Variants in PDGFRA observed in about 807,000 individuals in gnomAD.
PDGFRA encodes the protein platelet derived growth factor receptor alpha.
A neutral mutation model predicts 121.5 loss-of-function variants in PDGFRA; 25 were observed. The observed-to-expected ratio is 0.21, with a 90% CI of 0.15 to 0.29. The LOEUF is 0.29. Among genes scored for constraint, PDGFRA ranks in the 10% least tolerant of loss-of-function variants. The pLI is 1.00. For missense variants in PDGFRA, 1,008 were observed against 1,345.1 expected (o/e 0.75, Z 3.92); for synonymous variants, 463 against 494.8 (o/e 0.94, Z 0.85).
At chr4:54,256,328 G>T (rs112557583) in intron 1 of PDGFRA, among the ~76,000 whole-genome samples, 6,873 of 151,966 alleles carry the variant, frequency 0.045, 516 homozygotes, top group African/African-American at 0.16. Context: ...TTCTACCTCA[G>T]GGGTTCAAGC....
chr4:54,278,717 A>G (rs747963112), intron 15 of PDGFRA: 2 of 664,620 alleles, frequency 3.0e-6, no homozygotes, highest in Non-Finnish European at 5.5e-6. Context: ...GGGGTGTCAC[A>G]TGGGAAGGCC....
chr4:54,247,140 A>G (rs1254683979), intron 1 of PDGFRA, among the ~76,000 whole-genome samples: 2 of 152,228 alleles, frequency 1.3e-5, no homozygotes, highest in Non-Finnish European at 2.9e-5. Context: ...TACCAGAGGT[A>G]CAAGGAGGAA....
intron 14 of PDGFRA, 99 bp from the exon 15 acceptor site, chr4:54,278,263 T>A: frequency 1.2e-6 from 1 of 845,364 alleles, no homozygotes; most frequent in Non-Finnish European, 1.9e-6. Context: ...ACTTTTTTGG[T>A]ATCTTATTTT....
intron 1 of PDGFRA, among the ~76,000 whole-genome samples, chr4:54,237,154 G>C (rs1721063334): frequency 1.3e-5 from 2 of 152,144 alleles, no homozygotes; most frequent in African/African-American, 2.4e-5. Flanking sequence ...ATTTTTAGTA[G>C]AGATGGGGTT....
intron 1 of PDGFRA, among the ~76,000 whole-genome samples, chr4:54,233,560 G>A (rs1039051961): frequency 2.0e-5 from 3 of 152,228 alleles, no homozygotes; most frequent in Non-Finnish European, 2.9e-5. Context: ...GAACCCCGGG[G>A]GCCCGGAGCG....
intron 3 of PDGFRA, among the ~76,000 whole-genome samples, chr4:54,261,929 ATATT>A (rs869266991): frequency 0.18 from 10,362 of 57,736 alleles, 157 homozygotes; most frequent in Non-Finnish European, 0.22. Flanking sequence ...ATATATATAT[ATATT>A]TTTTTTTTTT....
chr4:54,265,938 C>CT (rs1030479110), intron 5 of PDGFRA, among the ~76,000 whole-genome samples: 1 of 152,198 alleles, frequency 6.6e-6, no homozygotes, highest in Non-Finnish European at 1.5e-5. Context: ...GATCTCCCTC[C>CT]TTTTATCCGT....
At chr4:54,280,647 T>C in intron 16 of PDGFRA, 165 bp downstream of exon 16, 1 of 582,078 alleles carries the variant, frequency 1.7e-6, no homozygotes. Context: ...GTTTCCAGGT[T>C]TGTGGCCTGT....
rs1416375704 is a variant in PDGFRA, at chr4:54,267,637, G to A, written c.1017G>A (p.Val339=). 5.6e-6 allele frequency: 9 copies of A among 1,614,012 alleles called. No homozygotes were observed. Among genetic ancestry groups the A allele is most frequent in the Non-Finnish European group, 7.6e-6 (9 of 1,180,004 alleles). Residue 339 remains valine (V), a synonymous_variant, in exon 7 of 23, where the codon GTG becomes GTA. Transcript: ENST00000257290. ...AAGTCAAACATTTTGTTGTAGAGGT[G>A]CGGGCCTACCCACCTCCCAGGATAT... is the stretch of plus-strand genomic sequence containing the variant. ...LHEVKHFVVE[V]RAYPPPRISW...
At chr4:54,248,128 T>A (rs1175976051) in intron 1 of PDGFRA, among the ~76,000 whole-genome samples, 11 of 152,154 alleles carry the variant, frequency 7.2e-5, no homozygotes, top group African/African-American at 2.7e-4. Flanking sequence ...ATCATGAAAA[T>A]GGCCATACTG....
Position 54,267,724 on chromosome 4 carries a change from A to G in PDGFRA, c.1104A>G (p.Glu368=), listed in dbSNP as rs753448574. 3 of 1,613,972 alleles carry G rather than the reference A, an allele frequency of 1.9e-6. No homozygotes were observed. In the Admixed American group the frequency reaches 5.0e-5, roughly 27 times the overall value. ...ENLTEITTDV[E]KIQEIRYRSK... ...TCACTGAGATCACCACTGATGTGGA[A>G]AAGATTCAGGAAATAAGGTAAAGAA... The change falls in exon 7 of 23, where the codon GAA becomes GAG. Residue 368 remains glutamate (E), a synonymous_variant. Transcript: ENST00000257290.
Position 54,280,424 on chromosome 4 carries a change from C to A in PDGFRA, c.2265C>A (p.Ser755=), listed in dbSNP as rs149659832. The change falls in exon 16 of 23, where the codon TCC becomes TCA. Residue 755 remains serine (S), a synonymous_variant. Transcript: ENST00000257290. ...AAAGGAAAGAGGTTTCTAAATATTC[C>A]GACATCCAGAGATCACTCTATGATC... ...MLERKEVSKY[S]DIQRSLYDRP... is the part of the protein sequence containing the mutation. 6.2e-7 allele frequency: 1 copy of A among 1,613,598 alleles called. No individual in the cohort carries two copies. Among genetic ancestry groups the A allele is most frequent in the Non-Finnish European group, 8.5e-7 (1 of 1,179,548 alleles).
intron 7 of PDGFRA, among the ~76,000 whole-genome samples, chr4:54,268,811 G>A (rs1723177157): frequency 6.6e-6 from 1 of 152,180 alleles, no homozygotes; most frequent in Admixed American, 6.5e-5. Flanking sequence ...AGAGGAATAG[G>A]GTAACAACCC....
At chr4:54,269,416 C>T (rs1723204582) in intron 7 of PDGFRA, among the ~76,000 whole-genome samples, 1 of 151,964 alleles carries the variant, frequency 6.6e-6, no homozygotes, top group Admixed American at 6.6e-5. Flanking sequence ...ATGACCAATG[C>T]TTTTCTTCTC....
chr4:54,274,746 G>C (rs2110298255), intron 11 of PDGFRA, 95 bp from the exon 12 acceptor site: 1 of 1,495,930 alleles, frequency 6.7e-7, no homozygotes, highest in Non-Finnish European at 9.3e-7. Context: ...AACGTTGTTG[G>C]ACTCTACTGT....
chr4:54,229,555 GAGTAATTTTT>G, intron 1 of PDGFRA, 140 bp downstream of exon 1: 1 of 387,754 alleles, frequency 2.6e-6, no homozygotes, highest in Non-Finnish European at 4.5e-6. Context: ...TGTGTCCAGA[GAGTAATTTTT>G]TTTTTTCGGA....
At chr4:54,263,978 A>G (rs1722900335) in intron 4 of PDGFRA, 51 bp downstream of exon 4, 4 of 1,558,232 alleles carry the variant, frequency 2.6e-6, no homozygotes, top group African/African-American at 2.7e-5. Flanking sequence ...AGGCAAAATC[A>G]TAAGGTGCGT....
chr4:54,272,356 C>T (rs891435605), intron 8 of PDGFRA, 38 bp from the exon 9 acceptor site: 15 of 1,611,724 alleles, frequency 9.3e-6, no homozygotes, highest in South Asian at 4.4e-5. Context: ...TTCTGGGACA[C>T]GAGCTATTCC....
rs2110335311 is a variant in PDGFRA at position 54,285,363 on chromosome 4, T to C, written c.2324-8T>C. ...CCAGCACCAATACATTTAATTTCTT[T>C]TCTGCAGACTCAGAAGTCAAAAACC... On this transcript the variant is annotated splice_region_variant and splice_polypyrimidine_tract_variant and intron_variant, in intron 16 of 22. Coordinates refer to ENST00000257290, the MANE Select transcript of PDGFRA (RefSeq NM_006206.6). The C allele has an allele frequency of 8.9e-7, 1 of 1,119,126 alleles. No individual in the cohort carries two copies. Among genetic ancestry groups the C allele is most frequent in the South Asian group, 1.2e-5 (1 of 81,342 alleles). 69.3% of individuals were successfully genotyped at this position (1,119,126 alleles called of 1,614,324 possible).
Sources: allele counts gnomAD v4.1 joint callset (sites outside exome capture counted in the v4.1 genomes callset), GRCh38; gene constraint gnomAD v4.1.1; transcripts MANE v1.5; gene names NCBI Gene and HGNC (gene_info 2026-07-23, HGNC 2026-07-21).